The following PKD1L3 variants were observed in gnomAD, a reference collection of about 807,000 sequenced individuals.
PKD1L3 encodes the protein polycystin 1 like 3, transient receptor potential channel interacting, also known as polycystin-1-like protein 3.
In PKD1L3, 239 loss-of-function variants were observed where a neutral mutation model predicts 184.1. The ratio of observed to expected loss-of-function variants is 1.30; its 90% confidence interval spans 1.17 to 1.45. The LOEUF is 1.45. Ranked by LOEUF, PKD1L3 falls within the 40% of genes most tolerant of loss-of-function variation. The pLI, the probability that PKD1L3 is intolerant of heterozygous loss-of-function variation, is 0.00. For synonymous variants in PKD1L3, 996 were observed against 778.8 expected, an observed-to-expected ratio of 1.28 and a Z score of -4.64; for missense variants, 2,660 against 2,067.2, an observed-to-expected ratio of 1.29 and a Z score of -5.56.
At chr16:71,931,402 C>T (rs2037957819) in intron 28 of PKD1L3, among the ~76,000 whole-genome samples, 1 of 151,808 alleles carries the variant, frequency 6.6e-6, no homozygotes, top group Admixed American at 6.6e-5. Context: ...TGCTTAAGTC[C>T]CTTATTTTTA....
intron 24 of PKD1L3, among the ~76,000 whole-genome samples, chr16:71,941,447 G>C (rs1298372969): frequency 6.6e-6 from 1 of 151,932 alleles, no homozygotes; most frequent in African/African-American, 2.4e-5. Context: ...AACTCCAGGA[G>C]TTACAATGTC....
Position 71,967,994 on chromosome 16 carries a change from A to T in PKD1L3, c.2198T>A (p.Val733Asp). 3.9e-6 allele frequency: 6 copies of T among 1,551,408 alleles called. No individual in the cohort carries two copies. The highest frequency in any genetic ancestry group is 5.2e-6 in the Non-Finnish European group (6 of 1,146,748). Residue 733 changes from valine (V) to aspartate (D), a missense_variant, in exon 14 of 30, where the codon GTC becomes GAC. Physicochemically the swap from Val to Asp is radical, Grantham distance 152 (BLOSUM62 -3). Coordinates refer to ENST00000620267, the MANE Select transcript of PKD1L3 (RefSeq NM_181536.2). ...QADMQKVKVT[V>D]LADNDPSAQF... ...AGCGCTGGGGTCATTATCAGCCAGG[A>T]CAGTGACCTTCACCTGCAAGAAAAG... is the stretch of plus-strand genomic sequence containing the variant.
At chr16:71,933,074 C>T (rs919804735) in intron 28 of PKD1L3, among the ~76,000 whole-genome samples, 2 of 152,122 alleles carry the variant, frequency 1.3e-5, no homozygotes, top group Non-Finnish European at 2.9e-5. Flanking sequence ...ACTTACCCTA[C>T]CCTGTTAATG....
intron 2 of PKD1L3, among the ~76,000 whole-genome samples, chr16:71,997,080 G>A (rs545706257): frequency 3.9e-5 from 6 of 151,918 alleles, no homozygotes; most frequent in Admixed American, 2.6e-4. Context: ...AGAGTCACCC[G>A]GGAGAGTGGA....
intron 16 of PKD1L3, among the ~76,000 whole-genome samples, chr16:71,958,780 CA>C (rs547912125): frequency 1.9e-3 from 121 of 65,104 alleles, no homozygotes; most frequent in African/African-American, 6.7e-3. Context: ...GACTCTATCT[CA>C]AAAAAAAAAA....
chr16:71,973,201 A>G, intron 12 of PKD1L3, 123 bp downstream of exon 12: 2 of 1,201,806 alleles, frequency 1.7e-6, no homozygotes, highest in Non-Finnish European at 2.3e-6. Context: ...TTGCCCAGGC[A>G]GAGTTATTTC....
At chr16:71,976,231 T>G (rs569438046) in intron 11 of PKD1L3, among the ~76,000 whole-genome samples, 1 of 141,146 alleles carries the variant, frequency 7.1e-6, no homozygotes, top group Admixed American at 7.2e-5. Context: ...TACAGTGGGA[T>G]TTCAGGCATG....
intron 16 of PKD1L3, among the ~76,000 whole-genome samples, chr16:71,956,680 G>C (rs1458399782): frequency 6.6e-6 from 1 of 152,174 alleles, no homozygotes; most frequent in South Asian, 2.1e-4. Flanking sequence ...GAGGGAACAG[G>C]AAGTTGTTCA....
chr16:71,983,945 G>C, intron 6 of PKD1L3, 91 bp downstream of exon 6: 1 of 1,482,208 alleles, frequency 6.7e-7, no homozygotes, highest in Non-Finnish European at 9.1e-7. Flanking sequence ...TTACAGGCGT[G>C]AGCCACCGCA....
intron 16 of PKD1L3, among the ~76,000 whole-genome samples, chr16:71,960,354 G>T (rs533703494): frequency 4.6e-5 from 7 of 152,190 alleles, no homozygotes; most frequent in South Asian, 4.1e-4. Flanking sequence ...ATTAGATCTG[G>T]TTTTTTAAAC....
intron 7 of PKD1L3, 47 bp from the exon 8 acceptor site, chr16:71,980,181 TTA>T (rs749994912): frequency 4.8e-5 from 74 of 1,529,970 alleles, no homozygotes; most frequent in Non-Finnish European, 6.2e-5. Flanking sequence ...CCTCAGTGTC[TTA>T]TGTTAGTAAA....
Position 71,949,886 on chromosome 16 carries a change from G to A in PKD1L3, c.3515C>T (p.Thr1172Ile). Residue 1172 changes from threonine to isoleucine, a missense_variant, in exon 21 of 30, where the codon ACA becomes ATA. Transcript: ENST00000620267. ...GFTSLASAFF[T>I]ALYSLELSKD... ...GCTCAATTCCAAGCTATAAAGTGCTGTAAAAAAGGCTGAAGCCAGGCTAGT... is the reference window on the plus strand; with the variant it reads ...GCTCAATTCCAAGCTATAAAGTGCTATAAAAAAGGCTGAAGCCAGGCTAGT... The A allele has an allele frequency of 1.3e-6, 2 of 1,551,636 alleles. No homozygotes were observed. Among genetic ancestry groups the A allele is most frequent in the South Asian group, 1.2e-5 (1 of 84,060 alleles).
At chr16:71,940,068 T>A (rs2038307334) in intron 24 of PKD1L3, among the ~76,000 whole-genome samples, 1 of 152,164 alleles carries the variant, frequency 6.6e-6, no homozygotes, top group Non-Finnish European at 1.5e-5. Context: ...CATCAGGTAC[T>A]TCTGAAGGTA....
intron 3 of PKD1L3, among the ~76,000 whole-genome samples, chr16:71,992,043 A>G (rs2040609287): frequency 6.6e-6 from 1 of 151,970 alleles, no homozygotes; most frequent in African/African-American, 2.4e-5. Context: ...TTGGACTGGA[A>G]CTCCTGGCCT....
rs1326313955 is a variant in PKD1L3, at chr16:72,000,246, G to T, written c.-268C>A. On this transcript the variant is annotated 5_prime_UTR_variant, in exon 1 of 30. Transcript: ENST00000620267. ...ACCGAATATGCCTTTAGCAAATAGA[G>T]ATCGATTATAAAGCTGAGTCTAAGC... is the stretch of plus-strand genomic sequence containing the variant. 3.9e-5 allele frequency among the ~76,000 whole-genome samples: 6 copies of T among 152,188 alleles called. No individual in the cohort carries two copies. Among genetic ancestry groups the T allele is most frequent in the Non-Finnish European group, 7.3e-5 (5 of 68,046 alleles).
At chr16:71,963,436 A>G in intron 15 of PKD1L3, 85 bp from the exon 16 acceptor site, 1 of 1,341,410 alleles carries the variant, frequency 7.5e-7, no homozygotes, top group Non-Finnish European at 1.0e-6. Context: ...ACCATTAGTA[A>G]ACTGTCCAAG....
intron 7 of PKD1L3, among the ~76,000 whole-genome samples, chr16:71,981,043 T>C (rs1419635013): frequency 6.6e-6 from 1 of 152,244 alleles, no homozygotes; most frequent in East Asian, 1.9e-4. Flanking sequence ...TGTTGGAGCA[T>C]GTACCAGGAC....
At chr16:71,985,951 C>G (rs892216906) in intron 5 of PKD1L3, among the ~76,000 whole-genome samples, 2 of 152,172 alleles carry the variant, frequency 1.3e-5, no homozygotes, top group African/African-American at 4.8e-5. Context: ...TTTGCTGCTG[C>G]TGAAAAAGCA....
At chr16:71,997,052 G>C (rs2040811504) in intron 2 of PKD1L3, among the ~76,000 whole-genome samples, 1 of 151,346 alleles carries the variant, frequency 6.6e-6, no homozygotes, top group Admixed American at 6.6e-5. Context: ...AGGTTAAGTA[G>C]AGAGAGGAAA....
Sources: allele counts gnomAD v4.1 joint callset (sites outside exome capture counted in the v4.1 genomes callset), GRCh38; gene constraint gnomAD v4.1.1; transcripts MANE v1.5; gene names NCBI Gene and HGNC (gene_info 2026-07-23, HGNC 2026-07-21).